The following DIAPH2 variants were observed in gnomAD, a reference collection of about 807,000 sequenced individuals.
DIAPH2 encodes the protein diaphanous related formin 2.
Under a neutral mutation model 92.7 loss-of-function variants are expected in DIAPH2, and 35 were observed. The ratio of observed to expected loss-of-function variants is 0.38; its 90% CI spans 0.29 to 0.50. DIAPH2 has a LOEUF of 0.50. DIAPH2 is among the 20% of genes least tolerant of loss of function. The pLI is 0.94. For missense variants in DIAPH2, 701 were observed against 819.5 expected, an observed-to-expected ratio of 0.86 and a Z score of 1.77; for synonymous variants, 301 against 280.4, an observed-to-expected ratio of 1.07 and a Z score of -0.73.
At chrX:97,258,799 A>T (rs180941994) in intron 23 of DIAPH2, among the ~76,000 whole-genome samples, 1,373 of 90,946 alleles carry the variant, frequency 0.015, 27 homozygotes, top group African/African-American at 0.054. Context: ...TGAACCCGGG[A>T]GGCGGAGCTT....
chrX:97,487,296 A>G (rs2070695628), intron 26 of DIAPH2, among the ~76,000 whole-genome samples: 2 of 110,506 alleles, frequency 1.8e-5, no homozygotes, highest in Admixed American at 1.9e-4. Context: ...TTGTTTTGAG[A>G]CAGAGTCTCG....
At chrX:97,495,479 T>C (rs1482230214) in intron 26 of DIAPH2, among the ~76,000 whole-genome samples, 1 of 111,787 alleles carries the variant, frequency 8.9e-6, no homozygotes, top group African/African-American at 3.2e-5. Context: ...TTTCTACACA[T>C]CACTGTTAAA....
intron 4 of DIAPH2, among the ~76,000 whole-genome samples, chrX:96,823,514 A>G (rs1466350475): frequency 1.8e-5 from 2 of 111,321 alleles, no homozygotes; most frequent in Non-Finnish European, 3.8e-5. Flanking sequence ...GATTAGACCA[A>G]GTGATAAAAT....
chrX:97,493,641 G>A (rs2070738920), intron 26 of DIAPH2, among the ~76,000 whole-genome samples: 1 of 110,812 alleles, frequency 9.0e-6, no homozygotes, highest in African/African-American at 3.3e-5. Flanking sequence ...CACTTTGGGA[G>A]GCCAAGGCAG....
chrX:97,513,639 G>A (rs1479091742), intron 26 of DIAPH2, among the ~76,000 whole-genome samples: 11 of 44,463 alleles, frequency 2.5e-4, no homozygotes, highest in African/African-American at 8.7e-4. Flanking sequence ...ATTTTGCAGC[G>A]GCTGGTACCG....
At chrX:97,355,404 TAAAA>T (rs747177499) in intron 24 of DIAPH2, among the ~76,000 whole-genome samples, 1 of 99,063 alleles carries the variant, frequency 1.0e-5, no homozygotes, top group African/African-American at 3.7e-5. Flanking sequence ...CACTTGACAT[TAAAA>T]AAAAAAAAAA....
intron 5 of DIAPH2, among the ~76,000 whole-genome samples, chrX:96,910,259 AT>A (rs1482935940): frequency 9.0e-6 from 1 of 111,330 alleles, no homozygotes; most frequent in Non-Finnish European, 1.9e-5. Flanking sequence ...GCACTAGATG[AT>A]TACATGCCTC....
intron 26 of DIAPH2, chrX:97,555,464 G>A: frequency 1.3e-6 from 1 of 744,168 alleles, no homozygotes; most frequent in African/African-American, 2.3e-5. Context: ...AGAGCTAGCT[G>A]CAAAGGTGAG....
Position 96,958,047 on chromosome X carries a change from G to A in DIAPH2, c.1834G>A (p.Val612Ile), listed in dbSNP as rs142760445. 4.7e-5 allele frequency: 57 copies of A among 1,209,774 alleles called. No individual in the cohort carries two copies. The African/African-American group carries it at 8.2e-4, about 17-fold the overall frequency. The change falls in exon 16 of 27, where the codon GTT (valine) becomes ATT (isoleucine). Residue 612 changes from valine to isoleucine, a missense_variant. Transcript: ENST00000324765. ...TCCTCCACCACCACCCCTTGGAGGAGTTCCTCCTCCCCCAGGAATATCACT... is the reference window on the plus strand; with the variant it reads ...TCCTCCACCACCACCCCTTGGAGGAATTCCTCCTCCCCCAGGAATATCACT... ...GPPPPPPLGG[V>I]PPPPGISLNL...
intron 26 of DIAPH2, among the ~76,000 whole-genome samples, chrX:97,593,080 T>C (rs944810222): frequency 1.8e-5 from 2 of 111,903 alleles, no homozygotes; most frequent in African/African-American, 6.5e-5. Context: ...TGGGTTTGTT[T>C]ATCTAGCTGT....
At chrX:97,183,204 G>A (rs1341676729) in intron 22 of DIAPH2, among the ~76,000 whole-genome samples, 1 of 111,519 alleles carries the variant, frequency 9.0e-6, no homozygotes, top group Non-Finnish European at 1.9e-5. Flanking sequence ...TTTGGGGTAT[G>A]CACTTGTCTC....
At chrX:97,130,313 G>A (rs938577995) in intron 21 of DIAPH2, among the ~76,000 whole-genome samples, 4 of 111,909 alleles carry the variant, frequency 3.6e-5, no homozygotes, top group African/African-American at 1.3e-4. Flanking sequence ...CAAATTCATA[G>A]CAGCATTATT....
At chrX:96,970,308 G>A (rs1400393533) in intron 17 of DIAPH2, among the ~76,000 whole-genome samples, 1 of 111,288 alleles carries the variant, frequency 9.0e-6, no homozygotes, top group Non-Finnish European at 1.9e-5. Context: ...TTCTTTCTAT[G>A]TCTGGTAGAC....
intron 19 of DIAPH2, among the ~76,000 whole-genome samples, chrX:97,093,986 A>C (rs1362861795): frequency 8.9e-6 from 1 of 112,220 alleles, no homozygotes; most frequent in Non-Finnish European, 1.9e-5. Context: ...AAAAATTGTC[A>C]GAAGTGTGAC....
chrX:97,510,913 C>G (rs1468308072), intron 26 of DIAPH2, among the ~76,000 whole-genome samples: 76 of 106,518 alleles, frequency 7.1e-4, no homozygotes, highest in African/African-American at 2.5e-3. Context: ...GTTACTGTAG[C>G]CTTGTAGTAT....
intron 23 of DIAPH2, among the ~76,000 whole-genome samples, chrX:97,302,881 G>A (rs757048668): frequency 2.7e-5 from 3 of 111,540 alleles, no homozygotes; most frequent in Non-Finnish European, 5.7e-5. Context: ...CTACTTGGGT[G>A]GCTGAGGCAT....
At chrX:97,290,641 G>T (rs2068581935) in intron 23 of DIAPH2, among the ~76,000 whole-genome samples, 1 of 112,564 alleles carries the variant, frequency 8.9e-6, no homozygotes, top group African/African-American at 3.2e-5. Flanking sequence ...TTGGCCCTGG[G>T]TTTAATTATA....
At chrX:96,893,184 A>G (rs956442953) in intron 5 of DIAPH2, among the ~76,000 whole-genome samples, 5 of 112,037 alleles carry the variant, frequency 4.5e-5, no homozygotes, top group Non-Finnish European at 9.4e-5. Context: ...CAGATATTCT[A>G]CTTCCGTAAG....
chrX:96,785,599 G>A (rs778830116), intron 4 of DIAPH2, among the ~76,000 whole-genome samples: 8 of 103,865 alleles, frequency 7.7e-5, no homozygotes, highest in Non-Finnish European at 7.8e-5. Context: ...AGCCTCCTGA[G>A]TAGCTGGCAT....
Sources: gnomAD v4.1 joint callset for allele counts (sites outside exome capture counted in the v4.1 genomes callset) on GRCh38, gnomAD v4.1.1 for gene constraint, MANE v1.5 for transcripts, NCBI Gene and HGNC (gene_info 2026-07-23, HGNC 2026-07-21) for gene names.